The following PLD5 variants were observed in gnomAD, a reference collection of about 807,000 sequenced individuals.
PLD5 encodes the protein phospholipase D family member 5.
A neutral mutation model predicts 61.1 loss-of-function variants in PLD5; 36 were observed. The ratio of observed to expected loss-of-function variants is 0.59; its 90% CI spans 0.45 to 0.78. The LOEUF is 0.78. Ranked by LOEUF, PLD5 falls within the 30% of genes least tolerant of loss-of-function variation. PLD5 has a pLI of 0.00. For missense variants in PLD5, 515 were observed against 644.4 expected, an observed-to-expected ratio of 0.80 and a Z score of 2.17; for synonymous variants, 243 against 242.8, an observed-to-expected ratio of 1.00 and a Z score of -0.01.
At chr1:242,466,582 C>T (rs983582306) in intron 1 of PLD5, among the ~76,000 whole-genome samples, 4 of 152,160 alleles carry the variant, frequency 2.6e-5, no homozygotes, top group Non-Finnish European at 5.9e-5. Flanking sequence ...ACAAACGCTG[C>T]ATGCTCTTAC....
At chr1:242,163,269 G>A (rs1055462161) in intron 5 of PLD5, among the ~76,000 whole-genome samples, 9 of 151,594 alleles carry the variant, frequency 5.9e-5, no homozygotes, top group African/African-American at 1.5e-4. Flanking sequence ...TCAGCCTCCC[G>A]AGTAGCTGGG....
At chr1:242,388,186 G>C (rs1662712022) in intron 1 of PLD5, among the ~76,000 whole-genome samples, 1 of 152,190 alleles carries the variant, frequency 6.6e-6, no homozygotes, top group Non-Finnish European at 1.5e-5. Flanking sequence ...CTAGACGATA[G>C]TGTGATTGCA....
intron 6 of PLD5, among the ~76,000 whole-genome samples, chr1:242,120,413 AAAGTGCAGGGATTACAGGAGTG>A (rs1378103051): frequency 6.6e-6 from 1 of 152,152 alleles, no homozygotes; most frequent in Non-Finnish European, 1.5e-5. Context: ...TTGGCCTCTC[AAAGTGCAGGGATTACAGGAGTG>A]AGCCACCATG....
chr1:242,519,246 G>A (rs185610683), intron 1 of PLD5, among the ~76,000 whole-genome samples: 1 of 152,134 alleles, frequency 6.6e-6, no homozygotes, highest in African/African-American at 2.4e-5. Flanking sequence ...CATAATATGA[G>A]CCTAGACCGC....
At chr1:242,300,719 ACCCCTG>A (rs1303009989) in intron 2 of PLD5, among the ~76,000 whole-genome samples, 1 of 151,350 alleles carries the variant, frequency 6.6e-6, no homozygotes. Flanking sequence ...CACGAGGATG[ACCCCTG>A]ATGTTTGTCA....
intron 9 of PLD5, among the ~76,000 whole-genome samples, chr1:242,093,030 G>A (rs1031518671): frequency 3.3e-5 from 5 of 151,988 alleles, no homozygotes; most frequent in African/African-American, 4.8e-5. Context: ...ACAGCACAAC[G>A]GTACTATCAG....
At chr1:242,190,109 A>T (rs866493699) in intron 5 of PLD5, among the ~76,000 whole-genome samples, 156 of 137,930 alleles carry the variant, frequency 1.1e-3, no homozygotes, top group African/African-American at 3.8e-3. Flanking sequence ...ACTCCCTCGG[A>T]CCTTATCTGT....
intron 1 of PLD5, among the ~76,000 whole-genome samples, chr1:242,411,556 T>C (rs1356185916): frequency 6.6e-6 from 1 of 152,188 alleles, no homozygotes; most frequent in African/African-American, 2.4e-5. Flanking sequence ...CTTTCAGCAT[T>C]GTGCTTTAAT....
intron 1 of PLD5, among the ~76,000 whole-genome samples, chr1:242,520,148 T>C (rs764775460): frequency 3.9e-5 from 6 of 152,144 alleles, no homozygotes; most frequent in Non-Finnish European, 7.4e-5. Context: ...TATGAATGGA[T>C]GATTTCTGGG....
chr1:242,511,269 A>G (rs1402068839), intron 1 of PLD5, among the ~76,000 whole-genome samples: 1 of 152,220 alleles, frequency 6.6e-6, no homozygotes, highest in East Asian at 1.9e-4. Flanking sequence ...GTTTGAATAA[A>G]TAAGATATTG....
intron 1 of PLD5, among the ~76,000 whole-genome samples, chr1:242,493,696 C>T (rs1449292788): frequency 6.6e-6 from 1 of 152,066 alleles, no homozygotes; most frequent in Non-Finnish European, 1.5e-5. Flanking sequence ...ACTCACTACT[C>T]TCACCCACAC....
At chr1:242,205,216 A>C (rs1029273845) in intron 5 of PLD5, among the ~76,000 whole-genome samples, 1 of 152,216 alleles carries the variant, frequency 6.6e-6, no homozygotes. Context: ...TGACCTCCTG[A>C]TGAAAACCTC....
chr1:242,232,009 T>C (rs1433038230), intron 4 of PLD5, among the ~76,000 whole-genome samples: 3 of 150,720 alleles, frequency 2.0e-5, no homozygotes, highest in Non-Finnish European at 4.4e-5. Context: ...ACAGCTTAAC[T>C]AAGATATTCA....
In PLD5 at chr1:242,300,342, G is replaced by A. The variant is rs1390915516; in HGVS notation, c.327-11812C>T. 5.9e-5 allele frequency among the ~76,000 whole-genome samples: 9 copies of A among 152,220 alleles called. No homozygotes were observed. The East Asian group carries it at 1.5e-3, about 26-fold the overall frequency. ...ACCAGTAATCCCAGCTACTTAGGAGGCTGAGACAGAAGAATCATTTGAACC... is the reference window on the plus strand; with the variant it reads ...ACCAGTAATCCCAGCTACTTAGGAGACTGAGACAGAAGAATCATTTGAACC... On this transcript the variant is annotated intron_variant, in intron 2 of 9. Transcript: ENST00000536534.
chr1:242,335,329 G>C (rs1383807053), intron 2 of PLD5, among the ~76,000 whole-genome samples: 1 of 152,028 alleles, frequency 6.6e-6, no homozygotes, highest in Non-Finnish European at 1.5e-5. Context: ...TTAGTGGCTG[G>C]TATATTATAG....
At position 242,393,474 on chromosome 1, in the gene PLD5, A is replaced by G. The variant is rs149199213; in HGVS notation, c.190-45232T>C. Among the ~76,000 whole-genome samples, 39 of 44,916 alleles carry G rather than the reference A, an allele frequency of 8.7e-4. 4 individuals carry two copies. Among genetic ancestry groups the G allele is most frequent in the African/African-American group, 4.1e-3 (38 of 9,160 alleles). The allele number at this position is 44,916 out of a possible 152,430, so 29.5% of individuals were successfully genotyped here. A position where few individuals can be genotyped will look rare whatever the true frequency, so the allele number is the denominator to read the frequency against. On this transcript the variant is annotated intron_variant, in intron 1 of 9. Transcript: ENST00000536534. ...TATGTGTATATATATGAGTATATAT[A>G]TGTGTATATATGAGTATATATATGT...
chr1:242,136,076 C>T (rs1013824332), intron 5 of PLD5, among the ~76,000 whole-genome samples: 1 of 152,212 alleles, frequency 6.6e-6, no homozygotes, highest in Non-Finnish European at 1.5e-5. Context: ...TGGGGACATA[C>T]ACAACCTGCA....
intron 1 of PLD5, among the ~76,000 whole-genome samples, chr1:242,456,872 GACACTGCGTCCGTA>G (rs897272545): frequency 3.2e-4 from 48 of 152,118 alleles, no homozygotes; most frequent in African/African-American, 1.2e-3. Context: ...ATCCCCGCCC[GACACTGCGTCCGTA>G]ACACTATTTC....
In PLD5 at chr1:242,207,650, A is replaced by G. The variant is rs140171746; in HGVS notation, c.735+12338T>C. Among the ~76,000 whole-genome samples the G allele has an allele frequency of 4.7e-3, 698 of 149,470 alleles. 8 individuals are homozygous for G. Among genetic ancestry groups the G allele is most frequent in the African/African-American group, 0.016 (665 of 40,664 alleles). On this transcript the variant is annotated intron_variant, in intron 5 of 9. Coordinates refer to ENST00000536534, the MANE Select transcript of PLD5 (RefSeq NM_001372062.1). ...TAACTTATTTGAGATTCATCCATCA[A>G]CACCTTGTCTTTTTTCATTGGTAAG...
Sources: allele counts gnomAD v4.1 joint callset (sites outside exome capture counted in the v4.1 genomes callset), GRCh38; gene constraint gnomAD v4.1.1; transcripts MANE v1.5; gene names NCBI Gene and HGNC (gene_info 2026-07-23, HGNC 2026-07-21).